The following DMD variants were observed in gnomAD, a reference collection of about 807,000 sequenced individuals.
DMD encodes the protein mutant dystrophin.
DMD carries 63 observed loss-of-function variants against 330.1 expected under a neutral mutation model. The observed-to-expected ratio is 0.19, with a 90% CI of 0.16 to 0.24. DMD has a LOEUF of 0.24. Among genes scored for constraint, DMD ranks in the 10% least tolerant of loss-of-function variants. The probability of loss-of-function intolerance (pLI) is 1.00; values close to 1 mark genes in which losing one functional copy is unlikely to be tolerated. For missense variants in DMD, 3,344 were observed against 2,684.1 expected (o/e 1.25, Z -5.43); for synonymous variants, 1,223 against 959.8 (o/e 1.27, Z -5.07).
chrX:31,347,786 G>A (rs2058179892), intron 61 of DMD, among the ~76,000 whole-genome samples: 1 of 112,556 alleles, frequency 8.9e-6, no homozygotes, highest in South Asian at 3.7e-4. Context: ...TCTATTTACA[G>A]TTTGTTGAGA....
chrX:32,703,850 C>T (rs1453181782), intron 7 of DMD, among the ~76,000 whole-genome samples: 2 of 111,421 alleles, frequency 1.8e-5, no homozygotes, highest in African/African-American at 3.3e-5. Context: ...TCTTATTACA[C>T]GACATTAAGA....
At chrX:31,911,252 T>C (rs1321656967) in intron 47 of DMD, among the ~76,000 whole-genome samples, 1 of 112,188 alleles carries the variant, frequency 8.9e-6, no homozygotes, top group Non-Finnish European at 1.9e-5. Context: ...TTTATAGTTT[T>C]ATCACTGTTT....
At chrX:32,129,728 GGAGAGAGAGA>G (rs775873181) in intron 44 of DMD, among the ~76,000 whole-genome samples, 9 of 21,421 alleles carry the variant, frequency 4.2e-4, no homozygotes, top group Non-Finnish European at 4.4e-4. Context: ...AGAGAGGGAG[GGAGAGAGAGA>G]GAGAGAGAGA....
At chrX:33,269,951 G>T (rs1446068488) in intron 1 of DMD, among the ~76,000 whole-genome samples, 1 of 109,119 alleles carries the variant, frequency 9.2e-6, no homozygotes, top group African/African-American at 3.4e-5. Flanking sequence ...AAAATCATAT[G>T]GAGCTTATAT....
chrX:31,709,224 T>C (rs776043684), intron 52 of DMD, among the ~76,000 whole-genome samples: 12 of 111,510 alleles, frequency 1.1e-4, no homozygotes, highest in East Asian at 2.8e-4. Flanking sequence ...TGAGCCGAGA[T>C]TGAGCCACTA....
At chrX:31,645,468 A>G (rs1171995792) in intron 54 of DMD, among the ~76,000 whole-genome samples, 1 of 112,323 alleles carries the variant, frequency 8.9e-6, no homozygotes, top group Non-Finnish European at 1.9e-5. Context: ...CATAGAAAAA[A>G]ATGTCTGAAT....
At chrX:32,640,088 T>C (rs1329738830) in intron 11 of DMD, among the ~76,000 whole-genome samples, 2 of 108,202 alleles carry the variant, frequency 1.8e-5, no homozygotes, top group Non-Finnish European at 3.8e-5. Context: ...TTATACAAAA[T>C]ATATGAAATA....
chrX:32,917,666 C>A (rs931675862), intron 2 of DMD, among the ~76,000 whole-genome samples: 1 of 111,754 alleles, frequency 8.9e-6, no homozygotes, highest in Non-Finnish European at 1.9e-5. Context: ...TGGCTCTATT[C>A]AGAAGAAGAA....
At chrX:31,297,556 A>G (rs940496542) in intron 62 of DMD, among the ~76,000 whole-genome samples, 20 of 112,115 alleles carry the variant, frequency 1.8e-4, no homozygotes, top group Non-Finnish European at 3.6e-4. Context: ...TTTTCATCAT[A>G]TAAGAGAAAA....
At chrX:32,307,606 CATG>C (rs2097545371) in intron 42 of DMD, among the ~76,000 whole-genome samples, 1 of 111,604 alleles carries the variant, frequency 9.0e-6, no homozygotes, top group Admixed American at 9.5e-5. Context: ...CATATGGACA[CATG>C]ATGATAAATC....
chrX:31,670,644 C>T (rs2081708305), intron 53 of DMD, among the ~76,000 whole-genome samples: 1 of 111,637 alleles, frequency 9.0e-6, no homozygotes, highest in Admixed American at 9.5e-5. Context: ...TAATGATGGC[C>T]GTTAATCATT....
chrX:31,703,576 A>G (rs1045420297), intron 52 of DMD, among the ~76,000 whole-genome samples: 3 of 112,351 alleles, frequency 2.7e-5, no homozygotes, highest in Admixed American at 9.5e-5. Flanking sequence ...CAAGAACTTA[A>G]GTACTCATGT....
chrX:32,645,302 G>C, intron 9 of DMD, 150 bp from the exon 10 acceptor site: 2 of 588,240 alleles, frequency 3.4e-6, no homozygotes, highest in African/African-American at 2.3e-5. Context: ...AGACAATAGG[G>C]AGTTTTCATT....
chrX:31,723,301 C>T (rs1471124555), intron 52 of DMD, among the ~76,000 whole-genome samples: 1 of 99,994 alleles, frequency 1.0e-5, no homozygotes, highest in Non-Finnish European at 2.0e-5. Context: ...TGTTTTCAAC[C>T]ATTTCTTTAA....
At chrX:32,636,396 G>A (rs920923581) in intron 11 of DMD, among the ~76,000 whole-genome samples, 1 of 111,682 alleles carries the variant, frequency 9.0e-6, no homozygotes, top group African/African-American at 3.3e-5. Flanking sequence ...AACTAGAAAT[G>A]AAGGAAAATG....
chrX:32,682,752 C>T (rs764970718), intron 9 of DMD, among the ~76,000 whole-genome samples: 8 of 111,751 alleles, frequency 7.2e-5, no homozygotes, highest in African/African-American at 2.3e-4. Context: ...ACATGTAATA[C>T]GAATATATTT....
Position 31,803,001 on chromosome X carries a change from C to T in DMD, c.7309+16974G>A, listed in dbSNP as rs375375821. On this transcript the variant is annotated intron_variant, in intron 50 of 78. Transcript: ENST00000357033. ...TTATCATCAAGGTAATGCTTATGGA[C>T]CATGGGGACTGTATTTTGACAGAAC... 9.0e-5 allele frequency among the ~76,000 whole-genome samples: 10 copies of T among 111,560 alleles called. No individual in the cohort carries two copies. The East Asian group carries it at 2.5e-3, about 28-fold the overall frequency.
intron 44 of DMD, among the ~76,000 whole-genome samples, chrX:32,107,121 T>C (rs938154764): frequency 9.0e-6 from 1 of 110,797 alleles, no homozygotes; most frequent in Non-Finnish European, 1.9e-5. Flanking sequence ...TTCCTCAGTA[T>C]GTGGGAGTGT....
intron 44 of DMD, among the ~76,000 whole-genome samples, chrX:32,058,396 G>A (rs924757653): frequency 9.2e-6 from 1 of 109,167 alleles, no homozygotes; most frequent in Non-Finnish European, 1.9e-5. Flanking sequence ...ACAAAAATTC[G>A]AACAACCCAA....
Sources: allele counts gnomAD v4.1 joint callset (sites outside exome capture counted in the v4.1 genomes callset), GRCh38; gene constraint gnomAD v4.1.1; transcripts MANE v1.5; gene names NCBI Gene and HGNC (gene_info 2026-07-23, HGNC 2026-07-21).